USP34: variants seen among roughly 807,000 people sequenced by gnomAD.
USP34 encodes the protein ubiquitin carboxyl-terminal hydrolase 34.
Under a neutral mutation model 460.3 loss-of-function variants are expected in USP34, and 70 were observed. That is an observed-to-expected ratio of 0.15 (90% confidence interval 0.13 to 0.19). USP34 has a LOEUF of 0.19. Ranked by LOEUF, USP34 falls within the 10% of genes least tolerant of loss-of-function variation. The pLI is 1.00. For synonymous variants in USP34, 1,647 were observed against 1,405.3 expected (o/e 1.17, Z -3.85); for missense variants, 3,985 against 4,236.2 (o/e 0.94, Z 1.65).
intron 51 of USP34, among the ~76,000 whole-genome samples, chr2:61,243,395 C>A (rs1020413793): frequency 1.3e-5 from 2 of 151,964 alleles, no homozygotes; most frequent in African/African-American, 4.8e-5. Context: ...GATCCACCTG[C>A]TTCGGCCTCC....
intron 14 of USP34, 107 bp downstream of exon 14, chr2:61,348,649 G>T (rs1691845361): frequency 2.1e-6 from 3 of 1,460,510 alleles, no homozygotes; most frequent in South Asian, 2.9e-5. Context: ...ATTACGTAAA[G>T]GAGAGGACAA....
intron 58 of USP34, among the ~76,000 whole-genome samples, chr2:61,230,888 A>C (rs764303578): frequency 3.3e-5 from 5 of 151,912 alleles, no homozygotes; most frequent in Non-Finnish European, 7.4e-5. Flanking sequence ...ACAGTTTACC[A>C]GTTCTAAAAA....
chr2:61,432,763 A>C (rs1421987081), intron 1 of USP34, among the ~76,000 whole-genome samples: 1 of 152,096 alleles, frequency 6.6e-6, no homozygotes, highest in African/African-American at 2.4e-5. Context: ...ATGAGTTGGT[A>C]AATGTTGACT....
In USP34 at chr2:61,395,176, CACTT is replaced by C; in HGVS notation, c.603+3_603+6del. Reference sequence around the variant, plus strand: ...TCCATAAAAGAATAAAAAAGGTAAACACTTACATTCATATCACAGAATGCCCCTA... The same window carrying C: ...TCCATAAAAGAATAAAAAAGGTAAACACATTCATATCACAGAATGCCCCTA... On this transcript the variant is annotated splice_donor_5th_base_variant and intron_variant, in intron 4 of 79. Coordinates refer to ENST00000398571, the MANE Select transcript of USP34 (RefSeq NM_014709.4). 6.7e-7 allele frequency: 1 copy of C among 1,490,338 alleles called. No individual in the cohort carries two copies. The highest frequency in any genetic ancestry group is 9.2e-7 in the Non-Finnish European group (1 of 1,092,572). The allele number at this position is 1,490,338 out of a possible 1,614,324, so 92.3% of individuals were successfully genotyped here.
intron 34 of USP34, among the ~76,000 whole-genome samples, chr2:61,287,245 T>G (rs1284234929): frequency 6.6e-6 from 1 of 152,172 alleles, no homozygotes; most frequent in Non-Finnish European, 1.5e-5. Context: ...AATCTATCAG[T>G]AACAATTCAT....
At chr2:61,381,828 T>G (rs1692984292) in intron 6 of USP34, among the ~76,000 whole-genome samples, 1 of 152,126 alleles carries the variant, frequency 6.6e-6, no homozygotes, top group Non-Finnish European at 1.5e-5. Flanking sequence ...GAACTACAAG[T>G]TCATACTCCC....
intron 1 of USP34, among the ~76,000 whole-genome samples, chr2:61,443,267 C>T (rs906620818): frequency 3.3e-5 from 5 of 151,926 alleles, no homozygotes; most frequent in Non-Finnish European, 5.9e-5. Flanking sequence ...TATATAGATT[C>T]AAATAGCTAC....
intron 7 of USP34, among the ~76,000 whole-genome samples, chr2:61,379,227 A>T (rs1211860322): frequency 6.6e-6 from 1 of 152,078 alleles, no homozygotes; most frequent in Non-Finnish European, 1.5e-5. Flanking sequence ...CAAAACAAAA[A>T]CAGTAATGTG....
At chr2:61,310,569 ATT>A (rs1271441328) in intron 27 of USP34, among the ~76,000 whole-genome samples, 1 of 151,048 alleles carries the variant, frequency 6.6e-6, no homozygotes, top group Non-Finnish European at 1.5e-5. Context: ...ATGTATATAT[ATT>A]CTTACATTAT....
intron 20 of USP34, among the ~76,000 whole-genome samples, chr2:61,326,808 C>T (rs1270889975): frequency 4.4e-5 from 5 of 113,700 alleles, no homozygotes; most frequent in East Asian, 5.3e-4. Context: ...TTTGCCGAAA[C>T]GGAGTTTCAC....
chr2:61,376,656 G>T (rs573333968), intron 8 of USP34, among the ~76,000 whole-genome samples: 14 of 152,072 alleles, frequency 9.2e-5, no homozygotes, highest in Admixed American at 6.6e-4. Flanking sequence ...GTTTGTTTTG[G>T]TTTTTTTCTG....
In USP34 at chr2:61,241,576, G is replaced by A. The variant is rs1558485553; in HGVS notation, c.6761C>T (p.Ser2254Leu). 3.1e-6 allele frequency: 5 copies of A among 1,607,274 alleles called. No homozygotes were observed. The highest frequency in any genetic ancestry group is 1.1e-5 in the South Asian group (1 of 89,604). The change falls in exon 53 of 80, where the codon TCG becomes TTG. Residue 2254 changes from serine to leucine, a missense_variant. By Grantham distance (145) the Ser-to-Leu change is moderately radical (BLOSUM62 -2). This residue lies in a region of USP34 where 604 missense variants were observed against 684.8 expected (regional missense o/e 0.88). Transcript: ENST00000398571. ...AACTTATACCTCTAGTAACTCTGAC[G>A]AAACATCAAATTTGTATTCTCTGCC... Reference protein sequence around the residue: ...ENGREYKFDVSSELLEWIWHD... With the variant: ...ENGREYKFDVLSELLEWIWHD...
chr2:61,222,799 C>T lies in USP34; in HGVS notation c.7750-136G>A, dbSNP rs547426116. ...GCAGCCTCCACTTCTCAGGCTCAAG[C>T]GATCCTCCTGCCTCAGCCTCCGAGT... On this transcript the variant is annotated intron_variant, in intron 64 of 79. Coordinates refer to ENST00000398571, the MANE Select transcript of USP34 (RefSeq NM_014709.4). 1.5e-4 allele frequency: 117 copies of T among 805,354 alleles called. No individual in the cohort carries two copies. In the African/African-American group the frequency reaches 1.8e-3, roughly 13 times the overall value. 49.9% of individuals were successfully genotyped at this position (805,354 alleles called of 1,614,324 possible). A position where few individuals can be genotyped will look rare whatever the true frequency, so the allele number is the denominator to read the frequency against.
At chr2:61,377,870 G>A (rs545045121) in intron 8 of USP34, among the ~76,000 whole-genome samples, 13 of 152,224 alleles carry the variant, frequency 8.5e-5, no homozygotes, top group South Asian at 2.1e-4. Flanking sequence ...CTATATGTTC[G>A]CATACGCTTT....
chr2:61,346,124 A>G (rs933549174), intron 15 of USP34: 2 of 152,108 alleles, frequency 1.3e-5, no homozygotes, highest in Non-Finnish European at 2.9e-5. Flanking sequence ...ATAAGCACTC[A>G]TATCTTTTTT....
chr2:61,233,659 T>C (rs1687980580), intron 57 of USP34, among the ~76,000 whole-genome samples: 1 of 151,610 alleles, frequency 6.6e-6, no homozygotes, highest in African/African-American at 2.4e-5. Flanking sequence ...TCTGTCTCTA[T>C]AAAAAAAGAA....
Position 61,222,672 on chromosome 2 carries a change from G to A in USP34, c.7750-9C>T. On this transcript the variant is annotated splice_polypyrimidine_tract_variant and intron_variant, in intron 64 of 79. Transcript: ENST00000398571. Reference sequence around the variant, plus strand: ...AAAAGCATAGATACAATCTAAAACAGAAAGAGGAGGATTTCAGGATATTCT... The same window carrying A: ...AAAAGCATAGATACAATCTAAAACAAAAAGAGGAGGATTTCAGGATATTCT... 1 of 1,609,860 alleles carries A rather than the reference G, an allele frequency of 6.2e-7. No homozygotes were observed. Among genetic ancestry groups the A allele is most frequent in the Non-Finnish European group, 8.5e-7 (1 of 1,177,990 alleles).
rs1691526957 is a variant in USP34, at chr2:61,339,690, A to AG, written c.2501-10_2501-9insC. ...TTTATGAACTACAGGTCCTGAAGAG[A>AG]AAAAAAAAAAAAAGACACACTATAG... is the stretch of plus-strand genomic sequence containing the variant. On this transcript the variant is annotated splice_polypyrimidine_tract_variant and intron_variant, in intron 16 of 79. Coordinates refer to ENST00000398571, the MANE Select transcript of USP34 (RefSeq NM_014709.4). The AG allele has an allele frequency of 3.9e-5, 12 of 309,418 alleles. No homozygotes were observed. In the Middle Eastern group the frequency reaches 2.6e-3, roughly 68 times the overall value. The allele number at this position is 309,418 out of a possible 1,614,324, so 19.2% of individuals were successfully genotyped here. A position where few individuals can be genotyped will look rare whatever the true frequency, so the allele number is the denominator to read the frequency against.
At chr2:61,263,793 T>G (rs1688968219) in intron 43 of USP34, among the ~76,000 whole-genome samples, 1 of 152,146 alleles carries the variant, frequency 6.6e-6, no homozygotes, top group Non-Finnish European at 1.5e-5. Flanking sequence ...GCAGCTAATT[T>G]TTGTATATCT....
Sources: gnomAD v4.1 joint callset for allele counts (sites outside exome capture counted in the v4.1 genomes callset) on GRCh38, gnomAD v4.1.1 for gene constraint, gnomAD v4.1.1 regional missense constraint, MANE v1.5 for transcripts, NCBI Gene and HGNC (gene_info 2026-07-23, HGNC 2026-07-21) for gene names.